Variants in ACTN1 observed in about 807,000 individuals in gnomAD.
The protein encoded by ACTN1 is actinin alpha 1, also known as alpha-actinin-1.
In ACTN1, 30 loss-of-function variants were observed where a neutral mutation model predicts 119.6. The ratio of observed to expected loss-of-function variants is 0.25; its 90% CI spans 0.19 to 0.34. ACTN1 has a LOEUF of 0.34. ACTN1 is among the 10% of genes least tolerant of loss of function. The pLI is 1.00. For missense variants in ACTN1, 764 were observed against 1,223.4 expected, an observed-to-expected ratio of 0.62 and a Z score of 5.60; for synonymous variants, 429 against 472.6, an observed-to-expected ratio of 0.91 and a Z score of 1.20.
intron 1 of ACTN1, chr14:68,978,473 G>A: frequency 1.2e-5 from 4 of 327,032 alleles, no homozygotes; most frequent in South Asian, 2.2e-5. Context: ...AGGGTCCCGG[G>A]AGGCCCGCCG....
At chr14:68,893,359 C>G (rs1594773006) in intron 9 of ACTN1, among the ~76,000 whole-genome samples, 1 of 152,306 alleles carries the variant, frequency 6.6e-6, no homozygotes, top group Non-Finnish European at 1.5e-5. Flanking sequence ...GTACACTAGG[C>G]TGGAAAGGCT....
chr14:68,918,213 T>C (rs2034422669), intron 3 of ACTN1, among the ~76,000 whole-genome samples: 1 of 152,220 alleles, frequency 6.6e-6, no homozygotes, highest in South Asian at 2.1e-4. Context: ...CCAGTGTTCC[T>C]CTCACTCCTC....
intron 1 of ACTN1, among the ~76,000 whole-genome samples, chr14:68,944,312 C>G (rs1744484525): frequency 6.6e-6 from 1 of 152,222 alleles, no homozygotes; most frequent in South Asian, 2.1e-4. Context: ...AACTGGCTTG[C>G]TAGGGCTTGG....
Position 68,887,842 on chromosome 14 carries a change from T to C in ACTN1, c.1235-2267A>G. 3 of 844,354 alleles carry C rather than the reference T, an allele frequency of 3.6e-6. No homozygotes were observed. The Admixed American group carries it at 5.1e-5, about 14-fold the overall frequency. The allele number at this position is 844,354 out of a possible 1,614,324, so 52.3% of individuals were successfully genotyped here. ...CATCAGAGGCTGGACTCTCCTCACT[T>C]TTCATTTCCCCGTTTTCTGCAGGTA... On this transcript the variant is annotated intron_variant, in intron 11 of 21. Coordinates refer to ENST00000394419, the MANE Select transcript of ACTN1 (RefSeq NM_001130004.2).
intron 3 of ACTN1, among the ~76,000 whole-genome samples, chr14:68,916,982 C>T (rs148765715): frequency 3.5e-4 from 53 of 152,202 alleles, no homozygotes; most frequent in African/African-American, 1.2e-3. Flanking sequence ...CACCCACCGC[C>T]CCCTCCATCC....
chr14:68,900,592 G>A (rs1211205701), intron 8 of ACTN1, among the ~76,000 whole-genome samples: 1 of 151,984 alleles, frequency 6.6e-6, no homozygotes, highest in Non-Finnish European at 1.5e-5. Flanking sequence ...CGGGGTGCAG[G>A]GAAGAAGCTG....
At chr14:68,940,214 T>C (rs952131933) in intron 1 of ACTN1, among the ~76,000 whole-genome samples, 1 of 152,216 alleles carries the variant, frequency 6.6e-6, no homozygotes, top group Admixed American at 6.5e-5. Context: ...GGCCAGCACA[T>C]TCCTTCCCCA....
At position 68,899,260 on chromosome 14, in the gene ACTN1, ACCC is replaced by A. The variant is rs574097549; in HGVS notation, c.762+3214_762+3216del. ...ACACAGCACTCCCCTTCACACACAC[ACCC>A]ACATGCCACACCTCACACCACAAAC... On this transcript the variant is annotated intron_variant, in intron 8 of 21. Coordinates refer to ENST00000394419, the MANE Select transcript of ACTN1 (RefSeq NM_001130004.2). 2.0e-3 allele frequency among the ~76,000 whole-genome samples: 236 copies of A among 119,624 alleles called. 2 individuals are homozygous for A. In the Middle Eastern group the frequency reaches 0.024, roughly 12 times the overall value. 78.5% of individuals were successfully genotyped at this position (119,624 alleles called of 152,430 possible). A position where few individuals can be genotyped will look rare whatever the true frequency, so the allele number is the denominator to read the frequency against.
At chr14:68,904,002 T>C (rs2033509936) in intron 7 of ACTN1, among the ~76,000 whole-genome samples, 1 of 151,836 alleles carries the variant, frequency 6.6e-6, no homozygotes, top group African/African-American at 2.4e-5. Context: ...AAGGCCTTGG[T>C]GAGGAACAGA....
At chr14:68,931,067 C>T (rs2035202067) in intron 1 of ACTN1, among the ~76,000 whole-genome samples, 1 of 152,216 alleles carries the variant, frequency 6.6e-6, no homozygotes, top group Non-Finnish European at 1.5e-5. Flanking sequence ...CTTTCTGCTC[C>T]ACCCGAATGA....
intron 1 of ACTN1, chr14:68,977,807 C>CG (rs199620253): frequency 6.2e-5 from 23 of 368,804 alleles, no homozygotes; most frequent in South Asian, 9.8e-5. Context: ...CTGTCCCCCC[C>CG]CCACCCAAAA....
chr14:68,913,347 C>T (rs1030307343), intron 3 of ACTN1, among the ~76,000 whole-genome samples: 10 of 152,154 alleles, frequency 6.6e-5, no homozygotes, highest in African/African-American at 1.7e-4. Flanking sequence ...GATAGTAATC[C>T]GGCCCATGGT....
At chr14:68,969,211 TTCA>T (rs1157333536) in intron 1 of ACTN1, among the ~76,000 whole-genome samples, 1 of 152,104 alleles carries the variant, frequency 6.6e-6, no homozygotes, top group Non-Finnish European at 1.5e-5. Context: ...AAAGCAAAAC[TTCA>T]TTTGGAGCTA....
intron 11 of ACTN1, among the ~76,000 whole-genome samples, chr14:68,889,103 C>G (rs956856760): frequency 6.6e-6 from 1 of 152,182 alleles, no homozygotes; most frequent in African/African-American, 2.4e-5. Flanking sequence ...CGGAGGGGCC[C>G]CAGCAGATAG....
At chr14:68,895,058 A>G (rs1251631278) in intron 8 of ACTN1, among the ~76,000 whole-genome samples, 2 of 151,972 alleles carry the variant, frequency 1.3e-5, no homozygotes, top group African/African-American at 4.8e-5. Flanking sequence ...GAATGAGATC[A>G]TCCTAAAGGC....
At chr14:68,913,559 C>T (rs3784135) in intron 3 of ACTN1, among the ~76,000 whole-genome samples, 27,069 of 152,126 alleles carry the variant, frequency 0.18, 3,260 homozygotes, top group East Asian at 0.63. Context: ...ACATCTTAGC[C>T]CCTTTCCCAA....
intron 11 of ACTN1, among the ~76,000 whole-genome samples, chr14:68,888,676 A>C (rs1196474382): frequency 1.3e-5 from 2 of 152,150 alleles, no homozygotes; most frequent in Non-Finnish European, 2.9e-5. Flanking sequence ...GTGAGCCAGC[A>C]GGTGGGAGAG....
chr14:68,884,959 C>A (rs752282645), intron 12 of ACTN1, 76 bp from the exon 13 acceptor site: 5 of 1,277,218 alleles, frequency 3.9e-6, no homozygotes, highest in Non-Finnish European at 5.7e-6. Context: ...CTGAGGCTGT[C>A]AGTGGGGTGG....
At chr14:68,957,487 C>T (rs1265547523) in intron 1 of ACTN1, among the ~76,000 whole-genome samples, 1 of 152,250 alleles carries the variant, frequency 6.6e-6, no homozygotes, top group Non-Finnish European at 1.5e-5. Flanking sequence ...CATGCCCATT[C>T]TGGCATTTAA....
Sources: gnomAD v4.1 joint callset for allele counts (sites outside exome capture counted in the v4.1 genomes callset) on GRCh38, gnomAD v4.1.1 for gene constraint, MANE v1.5 for transcripts, NCBI Gene and HGNC (gene_info 2026-07-23, HGNC 2026-07-21) for gene names.